The following PDE3A variants were observed in gnomAD, a reference collection of about 807,000 sequenced individuals.
PDE3A encodes the protein phosphodiesterase 3A.
PDE3A carries 43 observed loss-of-function variants against 98.3 expected under a neutral mutation model. The ratio of observed to expected loss-of-function variants is 0.44; its 90% CI spans 0.34 to 0.56. The LOEUF is 0.56. PDE3A is among the 20% of genes least tolerant of loss of function. The pLI is 0.01. For missense variants in PDE3A, 1,427 were observed against 1,440.7 expected (o/e 0.99, Z 0.15); for synonymous variants, 663 against 567.9 (o/e 1.17, Z -2.38).
At chr12:20,652,329 C>T (rs1944937880) in intron 14 of PDE3A, among the ~76,000 whole-genome samples, 1 of 152,166 alleles carries the variant, frequency 6.6e-6, no homozygotes. Context: ...TTCTAGATCC[C>T]TGAGGAATAG....
rs567586644 is a variant in PDE3A at position 20,368,739 on chromosome 12, A to G, written c.-546A>G. ...ATCGGCCGAGGAGAAAGAAAGAGTG[A>G]TAGAAAAAGAGCTGCAGGAAGGAGG... On this transcript the variant is annotated 5_prime_UTR_variant, in exon 1 of 16. The change abolishes the stop of an existing upstream ORF in the 5' untranslated region. Transcript: ENST00000359062. Among the ~76,000 whole-genome samples, 5 of 151,926 alleles carry G rather than the reference A, an allele frequency of 3.3e-5. No homozygotes were observed. In the East Asian group the frequency reaches 7.8e-4, roughly 24 times the overall value.
At chr12:20,554,051 A>G (rs1444980302) in intron 1 of PDE3A, among the ~76,000 whole-genome samples, 1 of 151,290 alleles carries the variant, frequency 6.6e-6, no homozygotes, top group Non-Finnish European at 1.5e-5. Context: ...GTTACTGTAT[A>G]TGTACCAAGA....
chr12:20,533,645 T>C (rs1435331111), intron 1 of PDE3A, among the ~76,000 whole-genome samples: 1 of 151,702 alleles, frequency 6.6e-6, no homozygotes, highest in Non-Finnish European at 1.5e-5. Flanking sequence ...CACACCCAGC[T>C]AATTTTTCGT....
In PDE3A at chr12:20,613,522, C is replaced by G; in HGVS notation, c.1091C>G (p.Pro364Arg). The G allele has an allele frequency of 6.2e-7, 1 of 1,614,042 alleles. No homozygotes were observed. The highest frequency in any genetic ancestry group is 8.5e-7 in the Non-Finnish European group (1 of 1,179,904). ...CTCATTACCGACCTCCTGGCAGACC[C>G]TTCTCTTCCACCAAACGTGTGCACA... ...HGLITDLLAD[P>R]SLPPNVCTSL... The change falls in exon 3 of 16, where the codon CCT becomes CGT. Residue 364 changes from proline (P) to arginine (R), a missense_variant. Coordinates refer to ENST00000359062, the MANE Select transcript of PDE3A (RefSeq NM_000921.5).
intron 1 of PDE3A, among the ~76,000 whole-genome samples, chr12:20,532,685 CTCTT>C (rs1353191512): frequency 1.7e-5 from 2 of 118,426 alleles, no homozygotes; most frequent in Non-Finnish European, 3.3e-5. Context: ...TAGTTTCTCT[CTCTT>C]TTTTTTTTTT....
At chr12:20,613,346 G>A in intron 2 of PDE3A, 97 bp from the exon 3 acceptor site, 5 of 1,101,682 alleles carry the variant, frequency 4.5e-6, no homozygotes, top group Non-Finnish European at 6.8e-6. Flanking sequence ...TAAAGAATCA[G>A]CCCAATTCAT....
chr12:20,395,143 C>T, intron 1 of PDE3A, among the ~76,000 whole-genome samples: 1 of 151,974 alleles, frequency 6.6e-6, no homozygotes, highest in Non-Finnish European at 1.5e-5. Flanking sequence ...GGTTTCCACT[C>T]TAGCCACTTG....
At chr12:20,663,559 AT>A (rs1307890079) in intron 15 of PDE3A, among the ~76,000 whole-genome samples, 1 of 152,178 alleles carries the variant, frequency 6.6e-6, no homozygotes, top group African/African-American at 2.4e-5. Context: ...AAAGGAGATC[AT>A]TTTTTAACTT....
At chr12:20,481,150 A>C (rs984964636) in intron 1 of PDE3A, among the ~76,000 whole-genome samples, 1 of 152,238 alleles carries the variant, frequency 6.6e-6, no homozygotes, top group African/African-American at 2.4e-5. Flanking sequence ...TGATGAAGGC[A>C]AAGTAGATAC....
rs565774655 is a variant in PDE3A, at chr12:20,587,716, C to T, written c.1012-25727C>T. On this transcript the variant is annotated intron_variant, in intron 2 of 15. Transcript: ENST00000359062. ...ATATATGGTGTGTAAGTTCTTAAGC[C>T]GATGGATTCAGCCTAGAGCAGCAGA... Among the ~76,000 whole-genome samples the T allele has an allele frequency of 9.2e-5, 14 of 152,240 alleles. No homozygotes were observed. The East Asian group carries it at 2.3e-3, about 25-fold the overall frequency.
intron 15 of PDE3A, among the ~76,000 whole-genome samples, chr12:20,659,777 A>T (rs1011661387): frequency 6.6e-6 from 1 of 152,212 alleles, no homozygotes; most frequent in Non-Finnish European, 1.5e-5. Flanking sequence ...CAATTAGATC[A>T]GCATCTCCTG....
At chr12:20,407,874 C>T (rs1343195021) in intron 1 of PDE3A, among the ~76,000 whole-genome samples, 1 of 151,950 alleles carries the variant, frequency 6.6e-6, no homozygotes, top group Non-Finnish European at 1.5e-5. Context: ...GTCATTGTTT[C>T]AGACTTCTCT....
At chr12:20,633,628 TG>T (rs781350244) in intron 6 of PDE3A, 64 bp from the exon 7 acceptor site, 1 of 758,404 alleles carries the variant, frequency 1.3e-6, no homozygotes. Flanking sequence ...TATACATAGA[TG>T]GTATGTGCCT....
chr12:20,543,178 T>G (rs926486973), intron 1 of PDE3A, among the ~76,000 whole-genome samples: 2 of 151,960 alleles, frequency 1.3e-5, no homozygotes, highest in Non-Finnish European at 2.9e-5. Flanking sequence ...TTTTGTCTAC[T>G]CAGAACCTAA....
chr12:20,479,376 C>G (rs1162097108), intron 1 of PDE3A, among the ~76,000 whole-genome samples: 1 of 152,140 alleles, frequency 6.6e-6, no homozygotes, highest in African/African-American at 2.4e-5. Context: ...GCCCAGGGGA[C>G]TTTACACCAC....
intron 1 of PDE3A, among the ~76,000 whole-genome samples, chr12:20,521,618 CTCATGGAAATG>C (rs1426041153): frequency 6.6e-6 from 1 of 152,100 alleles, no homozygotes; most frequent in Non-Finnish European, 1.5e-5. Flanking sequence ...GAATCAAATG[CTCATGGAAATG>C]TCTGTAATAT....
chr12:20,371,200 T>C (rs999530138), intron 1 of PDE3A, among the ~76,000 whole-genome samples: 6 of 152,144 alleles, frequency 3.9e-5, no homozygotes, highest in African/African-American at 1.4e-4. Context: ...TATCATTAAG[T>C]GATTTAAAAC....
At chr12:20,500,768 CTTT>C (rs61218707) in intron 1 of PDE3A, among the ~76,000 whole-genome samples, 34 of 133,340 alleles carry the variant, frequency 2.5e-4, no homozygotes, top group Admixed American at 3.8e-4. Flanking sequence ...TTCTTTCTTT[CTTT>C]TTTTTTTTTT....
At chr12:20,534,015 G>C (rs1407484004) in intron 1 of PDE3A, among the ~76,000 whole-genome samples, 22 of 152,036 alleles carry the variant, frequency 1.4e-4, no homozygotes, top group Admixed American at 1.4e-3. Context: ...TGCCAGGGGT[G>C]TTCCATATAC....
Sources: allele counts gnomAD v4.1 joint callset (sites outside exome capture counted in the v4.1 genomes callset), GRCh38; gene constraint gnomAD v4.1.1; transcripts MANE v1.5; gene names NCBI Gene and HGNC (gene_info 2026-07-23, HGNC 2026-07-21).